Variants in AFG2A observed in about 807,000 individuals in gnomAD.
AFG2A encodes the protein ATPase family gene 2 protein homolog A.
chr4:123,318,768 A>T, the AFG2A span: 1 of 73,484 alleles, frequency 1.4e-5, no homozygotes, highest in African/African-American at 3.2e-5. Flanking sequence ...CTTAAAAAAA[A>T]AAAAAAAAGG....
At chr4:123,094,289 C>T in the AFG2A span, among the ~76,000 whole-genome samples, 1 of 152,006 alleles carries the variant, frequency 6.6e-6, no homozygotes, top group Non-Finnish European at 1.5e-5. Flanking sequence ...GCCTAAATTC[C>T]AAGAGCCGGG....
chr4:123,061,166 A>G, the AFG2A span, among the ~76,000 whole-genome samples: 32 of 152,154 alleles, frequency 2.1e-4, no homozygotes, highest in African/African-American at 7.5e-4. Flanking sequence ...GAGCCCTCCA[A>G]GTCTCTAGGA....
At chr4:122,954,987 C>T in the AFG2A span, among the ~76,000 whole-genome samples, 1,942 of 152,252 alleles carry the variant, frequency 0.013, 52 homozygotes, top group African/African-American at 0.044. Context: ...CCTGATCTTA[C>T]GGTCTCGGTG....
the AFG2A span, among the ~76,000 whole-genome samples, chr4:123,067,609 A>AG: frequency 6.6e-6 from 1 of 151,102 alleles, no homozygotes; most frequent in Admixed American, 6.6e-5. Flanking sequence ...ATACTAGGAA[A>AG]AATATTTTAA....
chr4:123,087,072 G>A, the AFG2A span, among the ~76,000 whole-genome samples: 1 of 152,108 alleles, frequency 6.6e-6, no homozygotes, highest in African/African-American at 2.4e-5. Context: ...CTTTTGATGT[G>A]TACTCAATTT....
the AFG2A span, among the ~76,000 whole-genome samples, chr4:123,242,116 C>A: frequency 6.6e-6 from 1 of 151,914 alleles, no homozygotes; most frequent in South Asian, 2.1e-4. Flanking sequence ...CACTGCTCAA[C>A]AAAATAAAAG....
chr4:123,042,352 T>G, the AFG2A span, among the ~76,000 whole-genome samples: 1 of 151,100 alleles, frequency 6.6e-6, no homozygotes, highest in South Asian at 2.1e-4. Flanking sequence ...GAGAGAGAGA[T>G]ATCAAGCTCT....
the AFG2A span, among the ~76,000 whole-genome samples, chr4:123,002,125 A>G: frequency 6.6e-6 from 1 of 152,012 alleles, no homozygotes. Flanking sequence ...TAGGATTGCA[A>G]GCCCTGCCTT....
At chr4:123,152,612 A>G in the AFG2A span, among the ~76,000 whole-genome samples, 2,315 of 152,276 alleles carry the variant, frequency 0.015, 22 homozygotes, top group African/African-American at 0.025. Context: ...ACAACACCAA[A>G]TTCTGGCAAG....
At chr4:123,036,905 A>G in the AFG2A span, among the ~76,000 whole-genome samples, 2 of 152,088 alleles carry the variant, frequency 1.3e-5, no homozygotes, top group Admixed American at 1.3e-4. Context: ...CTTTCCCAGA[A>G]TGGCCTTCTG....
chr4:123,087,294 A>G, the AFG2A span, among the ~76,000 whole-genome samples: 1 of 152,062 alleles, frequency 6.6e-6, no homozygotes, highest in East Asian at 1.9e-4. Context: ...GAACTTCACA[A>G]TTTTCTCCCG....
At chr4:123,228,124 A>C in the AFG2A span, among the ~76,000 whole-genome samples, 1 of 151,964 alleles carries the variant, frequency 6.6e-6, no homozygotes, top group Admixed American at 6.6e-5. Context: ...TGAGATTTTG[A>C]GATGAGTTTC....
the AFG2A span, among the ~76,000 whole-genome samples, chr4:122,981,976 A>G: frequency 4.0e-5 from 6 of 151,666 alleles, no homozygotes; most frequent in African/African-American, 1.5e-4. Context: ...TTCTTTTTCA[A>G]TTCGGATGCT....
At chr4:122,980,237 C>A in the AFG2A span, among the ~76,000 whole-genome samples, 1 of 152,218 alleles carries the variant, frequency 6.6e-6, no homozygotes, top group East Asian at 1.9e-4. Flanking sequence ...TGAGTAAGAT[C>A]TTTTGTCTTT....
At chr4:123,097,096 A>G in the AFG2A span, among the ~76,000 whole-genome samples, 1 of 152,094 alleles carries the variant, frequency 6.6e-6, no homozygotes, top group Non-Finnish European at 1.5e-5. Context: ...CAGCCTCCCA[A>G]GTAGCTAAGA....
chr4:123,045,465 A>T, the AFG2A span, among the ~76,000 whole-genome samples: 1 of 152,194 alleles, frequency 6.6e-6, no homozygotes, highest in African/African-American at 2.4e-5. Flanking sequence ...TTTATTTGTC[A>T]CATCCGTGAA....
the AFG2A span, among the ~76,000 whole-genome samples, chr4:122,948,774 C>T: frequency 2.0e-5 from 3 of 152,054 alleles, no homozygotes; most frequent in Non-Finnish European, 4.4e-5. Context: ...CCCCCAGCAA[C>T]TTCCACATGG....
the AFG2A span, among the ~76,000 whole-genome samples, chr4:122,997,030 C>T: frequency 6.6e-6 from 1 of 152,170 alleles, no homozygotes; most frequent in Non-Finnish European, 1.5e-5. Flanking sequence ...TCACACCATT[C>T]TCTGGAAACA....
the AFG2A span, among the ~76,000 whole-genome samples, chr4:123,082,203 C>T: frequency 1.3e-5 from 2 of 152,022 alleles, no homozygotes; most frequent in Admixed American, 6.6e-5. Context: ...TAGTCATTTC[C>T]ATACCCAAGG....
Sources: allele counts gnomAD v4.1 joint callset (sites outside exome capture counted in the v4.1 genomes callset), GRCh38; gene constraint gnomAD v4.1.1; transcripts MANE v1.5; gene names NCBI Gene and HGNC (gene_info 2026-07-23, HGNC 2026-07-21).